Variants in TMOD3 observed in about 807,000 individuals in gnomAD.
TMOD3 encodes the protein tropomodulin-3.
Under a neutral mutation model 39.2 loss-of-function variants are expected in TMOD3, and 20 were observed. That is an observed-to-expected ratio of 0.51 (90% confidence interval 0.36 to 0.74). TMOD3 has a LOEUF of 0.74. Among genes scored for constraint, TMOD3 ranks in the 30% least tolerant of loss-of-function variants. TMOD3 has a pLI of 0.00. For synonymous variants in TMOD3, 143 were observed against 145.8 expected, an observed-to-expected ratio of 0.98 and a Z score of 0.14; for missense variants, 381 against 412.8, an observed-to-expected ratio of 0.92 and a Z score of 0.67.
chr15:51,855,353 A>C lies in TMOD3; in HGVS notation c.-74-7458A>C, dbSNP rs533698909. ...ATCAAGAAACACTGGGGGTGGGCCCAGGAATCTGTGTTTTAGCAAGCCCAC... is the reference window on the plus strand; with the variant it reads ...ATCAAGAAACACTGGGGGTGGGCCCCGGAATCTGTGTTTTAGCAAGCCCAC... On this transcript the variant is annotated intron_variant, in intron 1 of 9. Coordinates refer to ENST00000308580, the MANE Select transcript of TMOD3 (RefSeq NM_014547.5). Among the ~76,000 whole-genome samples, 13 of 152,340 alleles carry C rather than the reference A, an allele frequency of 8.5e-5. No homozygotes were observed. The South Asian group carries it at 2.7e-3, about 32-fold the overall frequency.
intron 9 of TMOD3, among the ~76,000 whole-genome samples, chr15:51,902,328 A>G (rs1266004984): frequency 1.3e-5 from 2 of 152,252 alleles, no homozygotes; most frequent in Admixed American, 6.5e-5. Flanking sequence ...CCTTGGAACT[A>G]TTGAAACAAA....
chr15:51,836,535 G>A (rs960893037), intron 1 of TMOD3, among the ~76,000 whole-genome samples: 4 of 151,954 alleles, frequency 2.6e-5, no homozygotes, highest in Non-Finnish European at 4.4e-5. Flanking sequence ...GACCATCCTG[G>A]CCAACATGGT....
intron 1 of TMOD3, among the ~76,000 whole-genome samples, chr15:51,831,249 G>A (rs1001010186): frequency 6.6e-6 from 1 of 152,004 alleles, no homozygotes; most frequent in Non-Finnish European, 1.5e-5. Context: ...AAATTTTGTG[G>A]TATATCCAAT....
At chr15:51,832,024 T>C (rs2056257859) in intron 1 of TMOD3, among the ~76,000 whole-genome samples, 3 of 150,004 alleles carry the variant, frequency 2.0e-5, no homozygotes, top group Admixed American at 1.3e-4. Context: ...CTCTACAAAA[T>C]AAAATAGATT....
intron 1 of TMOD3, among the ~76,000 whole-genome samples, chr15:51,837,404 A>C (rs533862436): frequency 1.3e-5 from 2 of 152,142 alleles, no homozygotes; most frequent in African/African-American, 4.8e-5. Context: ...AACCCAGGTT[A>C]ATACTCTTAG....
intron 1 of TMOD3, among the ~76,000 whole-genome samples, chr15:51,849,854 A>G (rs7179045): frequency 0.028 from 4,287 of 151,994 alleles, 199 homozygotes; most frequent in African/African-American, 0.098. Flanking sequence ...AAATTGCTTG[A>G]ACTCAGGAGG....
chr15:51,879,267 G>A (rs769495362), intron 3 of TMOD3, among the ~76,000 whole-genome samples: 6 of 151,998 alleles, frequency 3.9e-5, no homozygotes, highest in African/African-American at 9.6e-5. Context: ...CTGTTTCAAC[G>A]CTCTTAGCAA....
chr15:51,859,896 G>T lies in TMOD3; in HGVS notation c.-74-2915G>T, dbSNP rs1595895412. Reference sequence around the variant, plus strand: ...AATTCTGGCAGAAGCTTGAGTTCATGTGCCCTTCTGAATGCAGTCATGGTT... The same window carrying T: ...AATTCTGGCAGAAGCTTGAGTTCATTTGCCCTTCTGAATGCAGTCATGGTT... On this transcript the variant is annotated intron_variant, in intron 1 of 9. Coordinates refer to ENST00000308580, the MANE Select transcript of TMOD3 (RefSeq NM_014547.5). 22 of 538,682 alleles carry T rather than the reference G, an allele frequency of 4.1e-5. No individual in the cohort carries two copies. In the East Asian group the frequency reaches 1.1e-3, roughly 26 times the overall value. 33.4% of individuals were successfully genotyped at this position (538,682 alleles called of 1,614,324 possible). A position where few individuals can be genotyped will look rare whatever the true frequency, so the allele number is the denominator to read the frequency against.
At chr15:51,833,174 T>C (rs2056264760) in intron 1 of TMOD3, 1 of 152,234 alleles carries the variant, frequency 6.6e-6, no homozygotes, top group African/African-American at 2.4e-5. Flanking sequence ...TATAAAAAAT[T>C]ATGTATGTGA....
At chr15:51,859,027 A>ATATT (rs1395596255) in intron 1 of TMOD3, among the ~76,000 whole-genome samples, 1 of 152,238 alleles carries the variant, frequency 6.6e-6, no homozygotes, top group Non-Finnish European at 1.5e-5. Flanking sequence ...AAATTTTTTA[A>ATATT]AAAATTAACA....
At chr15:51,833,822 G>T (rs763428284) in intron 1 of TMOD3, among the ~76,000 whole-genome samples, 4 of 152,120 alleles carry the variant, frequency 2.6e-5, no homozygotes, top group Non-Finnish European at 5.9e-5. Context: ...AAATACCTAG[G>T]AGCAGAGTTA....
rs1370695769 is a variant in TMOD3 at position 51,912,125 on chromosome 15, A to T, written c.*3315A>T. 1 of 152,200 alleles carries T rather than the reference A, an allele frequency of 6.6e-6. No homozygotes were observed. Among genetic ancestry groups the T allele is most frequent in the Non-Finnish European group, 1.5e-5 (1 of 68,036 alleles). 9.4% of individuals were successfully genotyped at this position (152,200 alleles called of 1,614,324 possible). A position where few individuals can be genotyped will look rare whatever the true frequency, so the allele number is the denominator to read the frequency against. The stretch of plus-strand genomic sequence containing the variant: ...AAGAGGATTCCATGACATAATAAAA[A>T]TTATTTTAAAAAATGTTTTGGGCCG... On this transcript the variant is annotated 3_prime_UTR_variant, in exon 10 of 10. Coordinates refer to ENST00000308580, the MANE Select transcript of TMOD3 (RefSeq NM_014547.5).
At chr15:51,890,054 C>T (rs1184183059) in intron 5 of TMOD3, among the ~76,000 whole-genome samples, 1 of 152,028 alleles carries the variant, frequency 6.6e-6, no homozygotes, top group East Asian at 1.9e-4. Context: ...CCAGGCTTTG[C>T]ACTGTTTATA....
intron 1 of TMOD3, among the ~76,000 whole-genome samples, chr15:51,834,087 G>A (rs1305203420): frequency 1.3e-5 from 2 of 152,074 alleles, no homozygotes; most frequent in Non-Finnish European, 2.9e-5. Context: ...ATCTTTTTTT[G>A]TGAATTGTTT....
chr15:51,837,071 G>T (rs1002357933), intron 1 of TMOD3, among the ~76,000 whole-genome samples: 9 of 150,500 alleles, frequency 6.0e-5, no homozygotes, highest in African/African-American at 2.2e-4. Flanking sequence ...GGCTGGGTTT[G>T]ATATATATAT....
chr15:51,878,376 A>ATATGTGTGTGTGTG (rs112690572), intron 3 of TMOD3, among the ~76,000 whole-genome samples: 1 of 147,318 alleles, frequency 6.8e-6, no homozygotes, highest in African/African-American at 2.5e-5. Flanking sequence ...TTTAAAATAT[A>ATATGTGTGTGTGTG]TGTGTGTGTG....
At chr15:51,870,264 A>G (rs1031753949) in intron 3 of TMOD3, among the ~76,000 whole-genome samples, 3 of 152,118 alleles carry the variant, frequency 2.0e-5, no homozygotes, top group African/African-American at 7.2e-5. Context: ...AAAGTTCTAT[A>G]TATAATAATA....
chr15:51,889,887 T>C (rs1437637401), intron 5 of TMOD3, among the ~76,000 whole-genome samples: 2 of 151,952 alleles, frequency 1.3e-5, no homozygotes, highest in Non-Finnish European at 2.9e-5. Context: ...ATGTATAGGG[T>C]GTTCTTAAAT....
rs35778880 is a variant in TMOD3 at position 51,887,248 on chromosome 15, GTTTT to G, written c.284-330_284-327del. ...AAAAAAAAAAAGGAAATTGGATTCT[GTTTT>G]TTTTTTTTTTAATCTCTTTAAAGTT... On this transcript the variant is annotated intron_variant, in intron 3 of 9. Coordinates refer to ENST00000308580, the MANE Select transcript of TMOD3 (RefSeq NM_014547.5). 2.4e-4 allele frequency among the ~76,000 whole-genome samples: 33 copies of G among 137,678 alleles called. No individual in the cohort carries two copies. In the South Asian group the frequency reaches 3.4e-3, roughly 14 times the overall value. The allele number at this position is 137,678 out of a possible 152,430, so 90.3% of individuals were successfully genotyped here. A position where few individuals can be genotyped will look rare whatever the true frequency, so the allele number is the denominator to read the frequency against.
Sources: gnomAD v4.1 joint callset for allele counts (sites outside exome capture counted in the v4.1 genomes callset) on GRCh38, gnomAD v4.1.1 for gene constraint, MANE v1.5 for transcripts, NCBI Gene and HGNC (gene_info 2026-07-23, HGNC 2026-07-21) for gene names.